PTPRN2: variants seen among roughly 807,000 people sequenced by gnomAD.
PTPRN2 encodes receptor-type tyrosine-protein phosphatase N2.
A neutral mutation model predicts 118.8 loss-of-function variants in PTPRN2; 74 were observed. The ratio of observed to expected loss-of-function variants is 0.62; its 90% CI spans 0.52 to 0.76. The LOEUF (loss-of-function observed/expected upper bound fraction) is 0.76. PTPRN2 is among the 30% of genes least tolerant of loss of function. PTPRN2 has a pLI of 0.00. For missense variants in PTPRN2, 1,481 were observed against 1,394.4 expected, an observed-to-expected ratio of 1.06 and a Z score of -0.99; for synonymous variants, 641 against 608.0, an observed-to-expected ratio of 1.05 and a Z score of -0.80.
chr7:158,138,567 G>C (rs779713748), intron 6 of PTPRN2, 52 bp from the exon 7 acceptor site: 1 of 1,554,540 alleles, frequency 6.4e-7, no homozygotes, highest in South Asian at 1.1e-5. Context: ...GAATGCAAAG[G>C]TGAGGGCCTC....
intron 9 of PTPRN2, among the ~76,000 whole-genome samples, chr7:158,111,976 A>C (rs1816317199): frequency 6.6e-6 from 1 of 152,208 alleles, no homozygotes; most frequent in Non-Finnish European, 1.5e-5. Context: ...ACAAACGCAC[A>C]GGGTGTCGCA....
chr7:157,541,309 C>T (rs1474198333), intron 22 of PTPRN2, among the ~76,000 whole-genome samples: 1 of 152,250 alleles, frequency 6.6e-6, no homozygotes, highest in Middle Eastern at 3.2e-3. Context: ...CAGACCAAAC[C>T]CACTCCGTTC....
intron 17 of PTPRN2, among the ~76,000 whole-genome samples, chr7:157,593,167 C>A (rs1324325171): frequency 2.4e-5 from 3 of 123,556 alleles, no homozygotes; most frequent in Non-Finnish European, 5.1e-5. Flanking sequence ...GGTCGTTGAG[C>A]ATGGACACCG....
rs112919608 is a variant in PTPRN2, at chr7:157,667,383, A to G, written c.2002-10832T>C. On this transcript the variant is annotated intron_variant, in intron 13 of 22. Transcript: ENST00000389418. ...GTGGGTGCAACGAGTACACAGCCTG[A>G]CTTGCACACTCGGCCCGTGGGACAC... 4.7e-3 allele frequency among the ~76,000 whole-genome samples: 568 copies of G among 121,728 alleles called. 3 individuals are homozygous for G. Among genetic ancestry groups the G allele is most frequent in the South Asian group, 0.029 (96 of 3,304 alleles). 79.9% of individuals were successfully genotyped at this position (121,728 alleles called of 152,430 possible).
chr7:158,067,659 C>T (rs1192597482), intron 11 of PTPRN2, among the ~76,000 whole-genome samples: 2 of 152,148 alleles, frequency 1.3e-5, no homozygotes, highest in Non-Finnish European at 2.9e-5. Flanking sequence ...GACCACGCAG[C>T]TCTGCCTGTG....
chr7:158,564,877 A>G (rs1201756916), intron 1 of PTPRN2, among the ~76,000 whole-genome samples: 1 of 152,236 alleles, frequency 6.6e-6, no homozygotes, highest in Non-Finnish European at 1.5e-5. Context: ...GCTGGGAGCT[A>G]AAGAGAAATG....
At chr7:158,229,150 G>T (rs989782383) in intron 3 of PTPRN2, among the ~76,000 whole-genome samples, 8 of 151,872 alleles carry the variant, frequency 5.3e-5, no homozygotes, top group Non-Finnish European at 8.8e-5. Context: ...TCTTTAACCA[G>T]AGCCAAGGTA....
At chr7:158,422,429 C>G (rs187350412) in intron 2 of PTPRN2, among the ~76,000 whole-genome samples, 14 of 152,292 alleles carry the variant, frequency 9.2e-5, no homozygotes, top group African/African-American at 2.9e-4. Context: ...CGGAATTGAG[C>G]CGGAAAACTC....
intron 3 of PTPRN2, among the ~76,000 whole-genome samples, chr7:158,242,375 A>C (rs1034563969): frequency 1.3e-5 from 2 of 152,236 alleles, no homozygotes; most frequent in Non-Finnish European, 2.9e-5. Context: ...GGAGAGATTC[A>C]AAAGATGAGA....
chr7:158,155,973 T>C (rs545794157), intron 6 of PTPRN2, among the ~76,000 whole-genome samples: 1 of 152,346 alleles, frequency 6.6e-6, no homozygotes, highest in Admixed American at 6.5e-5. Flanking sequence ...CATTTGGGCT[T>C]CCACAGGGAG....
chr7:157,570,906 C>T (rs992088736), intron 20 of PTPRN2, among the ~76,000 whole-genome samples: 1 of 152,128 alleles, frequency 6.6e-6, no homozygotes, highest in Admixed American at 6.5e-5. Context: ...GACATGCTCA[C>T]GGGTGAGTAG....
At chr7:157,942,051 C>T (rs1800165446) in intron 11 of PTPRN2, among the ~76,000 whole-genome samples, 1 of 150,070 alleles carries the variant, frequency 6.7e-6, no homozygotes, top group South Asian at 2.1e-4. Context: ...CCACCCTCCA[C>T]ACATGGGGGT....
At chr7:158,108,389 C>T (rs1815866288) in intron 10 of PTPRN2, among the ~76,000 whole-genome samples, 1 of 152,136 alleles carries the variant, frequency 6.6e-6, no homozygotes, top group Non-Finnish European at 1.5e-5. Flanking sequence ...CTGTGTTCAC[C>T]CTGTAGGGTC....
intron 2 of PTPRN2, among the ~76,000 whole-genome samples, chr7:158,362,179 C>A (rs1188920606): frequency 6.6e-6 from 1 of 152,228 alleles, no homozygotes; most frequent in Non-Finnish European, 1.5e-5. Context: ...ACCTCCATCG[C>A]CCCAGCTCTC....
intron 1 of PTPRN2, among the ~76,000 whole-genome samples, chr7:158,521,641 A>C (rs1355663079): frequency 9.6e-6 from 1 of 104,518 alleles, no homozygotes; most frequent in Non-Finnish European, 1.8e-5. Flanking sequence ...TCCACGTCAC[A>C]ATGGTGGACT....
In PTPRN2 at chr7:158,324,148, C is replaced by T. The variant is rs143710145; in HGVS notation, c.164-7216G>A. ...ACAAACTCACACGCCCACACGCGTACGCTCACACACAGTCTCCGCATAGAC... is the reference window on the plus strand; with the variant it reads ...ACAAACTCACACGCCCACACGCGTATGCTCACACACAGTCTCCGCATAGAC... On this transcript the variant is annotated intron_variant, in intron 2 of 22. Transcript: ENST00000389418. 1.1e-3 allele frequency among the ~76,000 whole-genome samples: 175 copies of T among 152,262 alleles called. 1 individual carries two copies. The highest frequency in any genetic ancestry group is 3.9e-3 in the African/African-American group (163 of 41,554).
chr7:157,557,577 C>G (rs1417997736), intron 21 of PTPRN2, among the ~76,000 whole-genome samples: 1 of 152,066 alleles, frequency 6.6e-6, no homozygotes, highest in Non-Finnish European at 1.5e-5. Context: ...CACACACTCT[C>G]CTGGGCCTTC....
At position 158,129,697 on chromosome 7, in the gene PTPRN2, G is replaced by A. The variant is rs187812591; in HGVS notation, c.1556+3980C>T. On this transcript the variant is annotated intron_variant, in intron 9 of 22. Coordinates refer to ENST00000389418, the MANE Select transcript of PTPRN2 (RefSeq NM_002847.5). ...GGCGTTTGACCACCCATAGGAATCG[G>A]TCATGATAATGGTCTGCGTCACCCA... 5.3e-5 allele frequency among the ~76,000 whole-genome samples: 8 copies of A among 152,322 alleles called. No homozygotes were observed. The East Asian group carries it at 1.5e-3, about 29-fold the overall frequency.
At chr7:157,612,663 A>T (rs1039900809) in intron 15 of PTPRN2, among the ~76,000 whole-genome samples, 1 of 152,224 alleles carries the variant, frequency 6.6e-6, no homozygotes, top group Non-Finnish European at 1.5e-5. Context: ...GGCGCAGGGC[A>T]GACTGTGCCA....
Sources: gnomAD v4.1 joint callset for allele counts (sites outside exome capture counted in the v4.1 genomes callset) on GRCh38, gnomAD v4.1.1 for gene constraint, MANE v1.5 for transcripts, NCBI Gene and HGNC (gene_info 2026-07-23, HGNC 2026-07-21) for gene names.